RBM33: variants seen among roughly 807,000 people sequenced by gnomAD.
RBM33 encodes RNA binding motif protein 33, also known as RNA-binding protein 33.
RBM33 carries 28 observed loss-of-function variants against 132.6 expected under a neutral mutation model. That is an observed-to-expected ratio of 0.21 (90% confidence interval 0.16 to 0.29). The LOEUF (loss-of-function observed/expected upper bound fraction) is 0.29, where lower values mean the gene tolerates loss of function less well. Ranked by LOEUF, RBM33 falls within the 10% of genes least tolerant of loss-of-function variation. The pLI, the probability that RBM33 is intolerant of heterozygous loss-of-function variation, is 1.00. For missense variants in RBM33, 1,291 were observed against 1,518.5 expected (o/e 0.85, Z 2.49); for synonymous variants, 634 against 593.0 (o/e 1.07, Z -1.01).
chr7:155,711,374 C>T lies in RBM33; in HGVS notation c.1120C>T (p.Pro374Ser). ...QLETPRMMMT[P>S]PPVTPQQPKN... ...AGAGACCCCAAGGATGATGATGACC[C>T]CGCCACCCGTGACTCCACAGCAGCC... Residue 374 changes from proline (P) to serine (S), a missense_variant, in exon 8 of 18, where the codon CCG (proline) becomes TCG (serine). Around this residue, in one of 7 missense-constraint regions of RBM33, gnomAD observed 146 missense variants for 137.1 expected, o/e 1.07. Transcript: ENST00000401878. 1.3e-6 allele frequency: 2 copies of T among 1,587,332 alleles called. No homozygotes were observed. The highest frequency in any genetic ancestry group is 1.7e-6 in the Non-Finnish European group (2 of 1,167,138).
chr7:155,732,927 GGATTC>G (rs1012043888), intron 9 of RBM33, among the ~76,000 whole-genome samples: 3 of 152,192 alleles, frequency 2.0e-5, no homozygotes, highest in Non-Finnish European at 4.4e-5. Flanking sequence ...CCAGTTCATG[GGATTC>G]TTCGTGTTCC....
intron 8 of RBM33, among the ~76,000 whole-genome samples, chr7:155,715,341 A>G (rs1015750863): frequency 3.3e-5 from 5 of 152,146 alleles, no homozygotes; most frequent in Non-Finnish European, 7.4e-5. Context: ...TTCCTTGTAA[A>G]ATGCCGTGGA....
At chr7:155,757,593 C>T (rs1156860140) in intron 14 of RBM33, among the ~76,000 whole-genome samples, 2 of 152,070 alleles carry the variant, frequency 1.3e-5, no homozygotes, top group South Asian at 2.1e-4. Flanking sequence ...GATGTTCCAG[C>T]GCTTATTGTG....
intron 14 of RBM33, among the ~76,000 whole-genome samples, chr7:155,748,875 G>C (rs181743427): frequency 4.5e-4 from 69 of 152,256 alleles, no homozygotes; most frequent in Non-Finnish European, 8.8e-5. Flanking sequence ...GTGTTGACTA[G>C]GGTCAACGTC....
chr7:155,717,950 C>A (rs1205228804), intron 8 of RBM33, among the ~76,000 whole-genome samples: 1 of 152,184 alleles, frequency 6.6e-6, no homozygotes, highest in Non-Finnish European at 1.5e-5. Flanking sequence ...GCCTGCCTCA[C>A]TTCCCTTCCT....
intron 8 of RBM33, among the ~76,000 whole-genome samples, chr7:155,713,609 C>T (rs963986376): frequency 5.3e-5 from 8 of 152,052 alleles, no homozygotes; most frequent in African/African-American, 1.9e-4. Flanking sequence ...GTGTGGCCTG[C>T]ACTTGGGGCG....
In RBM33 at chr7:155,763,878, G is replaced by A. The variant is rs1393710887; in HGVS notation, c.3046G>A (p.Val1016Met). The change falls in exon 15 of 18, where the codon GTG becomes ATG. Residue 1016 changes from valine to methionine, a missense_variant. Around this residue, in one of 7 missense-constraint regions of RBM33, gnomAD observed 841 missense variants for 912.0 expected, o/e 0.92. Coordinates refer to ENST00000401878, the MANE Select transcript of RBM33 (RefSeq NM_053043.3). ...QPQRLPQPPE[V>M]GPQPARKVTL... ...CCAGCGGCTTCCCCAGCCTCCGGAA[G>A]TGGGACCACAGCCTGCCCGCAAGGT... 7.4e-6 allele frequency: 12 copies of A among 1,611,818 alleles called. No individual in the cohort carries two copies. The highest frequency in any genetic ancestry group is 1.7e-4 in the Middle Eastern group (1 of 6,046).
intron 5 of RBM33, among the ~76,000 whole-genome samples, chr7:155,693,764 T>C (rs1226889280): frequency 2.6e-5 from 4 of 152,078 alleles, no homozygotes; most frequent in Non-Finnish European, 5.9e-5. Flanking sequence ...AGAATATTAG[T>C]CAATGAGATA....
At chr7:155,755,164 T>G (rs1920449) in intron 14 of RBM33, among the ~76,000 whole-genome samples, 29,032 of 152,146 alleles carry the variant, frequency 0.19, 2,888 homozygotes, top group East Asian at 0.28. Context: ...AGCATTGTTG[T>G]AGTTAATAGA....
chr7:155,771,743 T>A (rs1022789323), intron 16 of RBM33, among the ~76,000 whole-genome samples: 1 of 152,202 alleles, frequency 6.6e-6, no homozygotes, highest in Non-Finnish European at 1.5e-5. Context: ...TTATTTTTTA[T>A]TTTTGGGAGA....
intron 14 of RBM33, among the ~76,000 whole-genome samples, chr7:155,758,400 G>A (rs536716537): frequency 5.9e-5 from 9 of 152,168 alleles, no homozygotes; most frequent in Admixed American, 1.3e-4. Context: ...TGAAATTGTT[G>A]CACCTCAGAT....
chr7:155,650,685 G>A (rs1362361442), intron 1 of RBM33, among the ~76,000 whole-genome samples: 1 of 152,158 alleles, frequency 6.6e-6, no homozygotes, highest in East Asian at 1.9e-4. Context: ...TTTCTCCAGA[G>A]CCATTTGGGT....
At position 155,680,787 on chromosome 7, in the gene RBM33, A is replaced by C; in HGVS notation, c.446A>C (p.Glu149Ala). 6.2e-7 allele frequency: 1 copy of C among 1,613,848 alleles called. No homozygotes were observed. Among genetic ancestry groups the C allele is most frequent in the Non-Finnish European group, 8.5e-7 (1 of 1,179,790 alleles). ...TQEYPEEGQY[E>A]GHEAELTEDQ... Reference sequence around the variant, plus strand: ...GAGTACCCAGAAGAAGGACAGTATGAAGGCCACGAAGCTGAGTTGACAGAA... The same window carrying C: ...GAGTACCCAGAAGAAGGACAGTATGCAGGCCACGAAGCTGAGTTGACAGAA... Residue 149 changes from glutamate (E) to alanine (A), a missense_variant, in exon 5 of 18, where the codon GAA becomes GCA. This residue lies in a region of RBM33 where 194 missense variants were observed against 249.8 expected (regional missense o/e 0.78). Coordinates refer to ENST00000401878, the MANE Select transcript of RBM33 (RefSeq NM_053043.3).
intron 3 of RBM33, among the ~76,000 whole-genome samples, chr7:155,673,293 A>G (rs1798995455): frequency 6.6e-6 from 1 of 152,186 alleles, no homozygotes; most frequent in East Asian, 1.9e-4. Flanking sequence ...TTAAAGGTAA[A>G]CATACTCAAA....
At chr7:155,762,965 G>C (rs12533575) in intron 14 of RBM33, among the ~76,000 whole-genome samples, 152,364 of 152,366 alleles carry the variant, frequency 1, 76,181 homozygotes, top group Non-Finnish European at 1. Context: ...TTGGGAAAAA[G>C]ACTACTCAGT....
rs372713251 is a variant in RBM33 at position 155,755,822 on chromosome 7, TC to T, written c.2980-7989del. On this transcript the variant is annotated intron_variant, in intron 14 of 17. Transcript: ENST00000401878. ...CTGCTAATGTTGGGGGCTACAGACC[TC>T]TTTTTTTTTGTAATGATTAAGCTGA... Among the ~76,000 whole-genome samples, 548 of 142,320 alleles carry T rather than the reference TC, an allele frequency of 3.9e-3. 2 individuals carry two copies. Among genetic ancestry groups the T allele is most frequent in the African/African-American group, 0.014 (506 of 37,346 alleles). The allele number at this position is 142,320 out of a possible 152,430, so 93.4% of individuals were successfully genotyped here.
intron 12 of RBM33, among the ~76,000 whole-genome samples, chr7:155,740,244 C>T (rs1179198418): frequency 6.6e-6 from 1 of 152,216 alleles, no homozygotes; most frequent in Non-Finnish European, 1.5e-5. Context: ...TTTTGTGTCT[C>T]AAAGACTGTG....
chr7:155,694,517 A>G (rs1799738394), intron 5 of RBM33, among the ~76,000 whole-genome samples: 1 of 152,252 alleles, frequency 6.6e-6, no homozygotes, highest in South Asian at 2.1e-4. Flanking sequence ...GTTTTGATAC[A>G]TGTATACATC....
intron 1 of RBM33, among the ~76,000 whole-genome samples, chr7:155,652,379 C>T (rs1798379179): frequency 6.6e-6 from 1 of 152,214 alleles, no homozygotes; most frequent in South Asian, 2.1e-4. Context: ...TATTTACATA[C>T]ACGGGTGGTA....
Sources: allele counts gnomAD v4.1 joint callset (sites outside exome capture counted in the v4.1 genomes callset), GRCh38; gene constraint gnomAD v4.1.1; regional missense constraint gnomAD v4.1.1; transcripts MANE v1.5; gene names NCBI Gene and HGNC (gene_info 2026-07-23, HGNC 2026-07-21).